The following DCUN1D4 variants were observed in gnomAD, a reference collection of about 807,000 sequenced individuals.
The protein encoded by DCUN1D4 is DCN1-like protein 4.
DCUN1D4 carries 22 observed loss-of-function variants against 47.9 expected under a neutral mutation model. That is an observed-to-expected ratio of 0.46 (90% CI 0.33 to 0.66). The LOEUF is 0.66. DCUN1D4 is among the 30% of genes least tolerant of loss of function. DCUN1D4 has a pLI of 0.02. For missense variants in DCUN1D4, 301 were observed against 340.8 expected (o/e 0.88, Z 0.92); for synonymous variants, 121 against 112.2 (o/e 1.08, Z -0.50).
chr4:51,836,472 A>T, the DCUN1D4 span, among the ~76,000 whole-genome samples: 20 of 152,094 alleles, frequency 1.3e-4, no homozygotes, highest in Admixed American at 7.2e-4. Context: ...TTTCTTTTTC[A>T]ATTTTGGAAC....
In DCUN1D4 at chr4:51,915,283, ACTTT is replaced by A. The variant is rs1734224881; in HGVS notation, c.*1704_*1707del. 1 of 152,584 alleles carries A rather than the reference ACTTT, an allele frequency of 6.6e-6. No individual in the cohort carries two copies. The highest frequency in any genetic ancestry group is 2.1e-4 in the South Asian group (1 of 4,834). The allele number at this position is 152,584 out of a possible 1,614,324, so 9.5% of individuals were successfully genotyped here. On this transcript the variant is annotated 3_prime_UTR_variant, in exon 11 of 11. Coordinates refer to ENST00000334635, the MANE Select transcript of DCUN1D4 (RefSeq NM_001040402.3). ...AATCATGATATAGTAGAATGCAACT[ACTTT>A]CTTTTTCTACCAAACGAAAGGTTTT... is the stretch of plus-strand genomic sequence containing the variant.
At chr4:51,857,553 G>A (rs1724329456) in intron 1 of DCUN1D4, among the ~76,000 whole-genome samples, 1 of 152,200 alleles carries the variant, frequency 6.6e-6, no homozygotes, top group Admixed American at 6.5e-5. Flanking sequence ...GGTCCTGGGA[G>A]CACAGCTTGA....
chr4:51,865,303 A>G, intron 3 of DCUN1D4: 1 of 226,622 alleles, frequency 4.4e-6, no homozygotes, highest in Non-Finnish European at 9.2e-6. Flanking sequence ...ACTCTTCCAC[A>G]ACACCTGGAA....
intron 7 of DCUN1D4, among the ~76,000 whole-genome samples, chr4:51,892,858 A>C (rs1730644310): frequency 6.6e-6 from 1 of 152,224 alleles, no homozygotes. Flanking sequence ...CTTTCTTTTC[A>C]CTTTAGGAAT....
At chr4:51,891,614 G>A in intron 6 of DCUN1D4, 146 bp from the exon 7 acceptor site, 1 of 610,758 alleles carries the variant, frequency 1.6e-6, no homozygotes, top group South Asian at 2.2e-5. Flanking sequence ...CATTTTTGAA[G>A]TTAACTCTGC....
intron 1 of DCUN1D4, chr4:51,845,349 A>T: frequency 1.1e-6 from 1 of 898,302 alleles, no homozygotes; most frequent in Non-Finnish European, 1.3e-6. Context: ...GGTTAGTGGA[A>T]TTTAGGGTGG....
At chr4:51,844,362 G>A in intron 1 of DCUN1D4, 15 of 985,016 alleles carry the variant, frequency 1.5e-5, no homozygotes, top group Non-Finnish European at 1.7e-5. Context: ...CCTAAGGTTG[G>A]AACTGGCCGT....
chr4:51,897,287 TATC>T (rs1731416359), intron 7 of DCUN1D4, among the ~76,000 whole-genome samples: 1 of 152,212 alleles, frequency 6.6e-6, no homozygotes, highest in African/African-American at 2.4e-5. Context: ...TAGTTTATCA[TATC>T]AACAAAGAGA....
At chr4:51,862,348 G>A (rs1264954559) in intron 1 of DCUN1D4, among the ~76,000 whole-genome samples, 1 of 152,254 alleles carries the variant, frequency 6.6e-6, no homozygotes, top group Non-Finnish European at 1.5e-5. Context: ...CTTTCTAACT[G>A]TGAACAGGGA....
intron 9 of DCUN1D4, among the ~76,000 whole-genome samples, 177 bp from the exon 10 acceptor site, chr4:51,913,113 A>C (rs1578070741): frequency 6.6e-6 from 1 of 152,130 alleles, no homozygotes; most frequent in East Asian, 1.9e-4. Flanking sequence ...GACAATTGTC[A>C]TCTTAAATTC....
intron 6 of DCUN1D4, among the ~76,000 whole-genome samples, chr4:51,887,904 G>GTTTTTTTTTTTT (rs76995556): frequency 3.1e-5 from 4 of 128,382 alleles, no homozygotes; most frequent in Non-Finnish European, 1.7e-5. Flanking sequence ...TTTTTTTTTG[G>GTTTTTTTTTTTT]TTTTTTTTTT....
intron 1 of DCUN1D4, among the ~76,000 whole-genome samples, chr4:51,847,134 G>GAAGAATGC (rs1353500369): frequency 1.3e-5 from 2 of 152,176 alleles, no homozygotes; most frequent in African/African-American, 4.8e-5. Context: ...AGAAGGGTGA[G>GAAGAATGC]AAGAATGCGC....
chr4:51,850,610 C>A (rs1401116764), intron 1 of DCUN1D4, among the ~76,000 whole-genome samples: 2 of 152,076 alleles, frequency 1.3e-5, no homozygotes, highest in Admixed American at 1.3e-4. Flanking sequence ...TGTACCAGGC[C>A]CTGCTCTTCA....
At position 51,863,726 on chromosome 4, in the gene DCUN1D4, A is replaced by G; in HGVS notation, c.136+17A>G. 1 of 1,609,030 alleles carries G rather than the reference A, an allele frequency of 6.2e-7. No homozygotes were observed. The highest frequency in any genetic ancestry group is 8.5e-7 in the Non-Finnish European group (1 of 1,177,408). ...ACCAAACAGGTATCTGTAAATGCTA[A>G]CACTACTTAATTTTAAATAGCTTCT... On this transcript the variant is annotated intron_variant, in intron 3 of 10. Transcript: ENST00000334635.
At chr4:51,837,349 T>G in the DCUN1D4 span, among the ~76,000 whole-genome samples, 1 of 152,244 alleles carries the variant, frequency 6.6e-6, no homozygotes, top group Admixed American at 6.5e-5. Context: ...AAAGACTTGC[T>G]AATGCTACCC....
chr4:51,896,557 C>T (rs937941505), intron 7 of DCUN1D4, among the ~76,000 whole-genome samples: 90 of 152,038 alleles, frequency 5.9e-4, no homozygotes, highest in African/African-American at 2.0e-3. Context: ...TGACCCTCTC[C>T]GATTATTATT....
At chr4:51,862,034 A>G (rs926400628) in intron 1 of DCUN1D4, among the ~76,000 whole-genome samples, 4 of 152,222 alleles carry the variant, frequency 2.6e-5, no homozygotes, top group East Asian at 1.9e-4. Flanking sequence ...ACTTTATGTC[A>G]TCATTTACCT....
In DCUN1D4 at chr4:51,913,878, A is replaced by G. The variant is rs545107541; in HGVS notation, c.*294A>G. ...ATTTTGTATATGTGTATAAAAGGAA[A>G]AAGGTTCACCTAGAGATTATTTCTG... On this transcript the variant is annotated 3_prime_UTR_variant, in exon 11 of 11. Transcript: ENST00000334635. 1.2e-4 allele frequency: 37 copies of G among 318,910 alleles called. No homozygotes were observed. The highest frequency in any genetic ancestry group is 7.7e-4 in the African/African-American group (36 of 47,024). 19.8% of individuals were successfully genotyped at this position (318,910 alleles called of 1,614,324 possible). A position where few individuals can be genotyped will look rare whatever the true frequency, so the allele number is the denominator to read the frequency against.
At chr4:51,907,500 G>A (rs1425478416) in intron 8 of DCUN1D4, among the ~76,000 whole-genome samples, 2 of 152,194 alleles carry the variant, frequency 1.3e-5, no homozygotes, top group African/African-American at 4.8e-5. Context: ...GGAACACCAT[G>A]ACACATGTAA....
Sources: gnomAD v4.1 joint callset for allele counts (sites outside exome capture counted in the v4.1 genomes callset) on GRCh38, gnomAD v4.1.1 for gene constraint, MANE v1.5 for transcripts, NCBI Gene and HGNC (gene_info 2026-07-23, HGNC 2026-07-21) for gene names.